Variants in MCTP1 observed in about 807,000 individuals in gnomAD.
The protein encoded by MCTP1 is multiple C2 and transmembrane domain containing 1.
Under a neutral mutation model 120.6 loss-of-function variants are expected in MCTP1, and 69 were observed. The ratio of observed to expected loss-of-function variants is 0.57; its 90% CI spans 0.47 to 0.70. MCTP1 has a LOEUF of 0.70. Among genes scored for constraint, MCTP1 ranks in the 30% least tolerant of loss-of-function variants. MCTP1 has a pLI of 0.00. For missense variants in MCTP1, 1,203 were observed against 1,248.8 expected (o/e 0.96, Z 0.55); for synonymous variants, 529 against 493.1 (o/e 1.07, Z -0.96).
intron 10 of MCTP1, among the ~76,000 whole-genome samples, chr5:94,899,629 G>A (rs757831806): frequency 1.6e-4 from 24 of 152,202 alleles, no homozygotes; most frequent in Non-Finnish European, 3.2e-4. Flanking sequence ...TCTCCTTGTA[G>A]GGTGAACTGT....
At chr5:95,015,276 G>C (rs554246300) in intron 2 of MCTP1, among the ~76,000 whole-genome samples, 1 of 151,948 alleles carries the variant, frequency 6.6e-6, no homozygotes, top group Admixed American at 6.6e-5. Context: ...CTTTTTCATA[G>C]CTACTTCGGT....
At chr5:95,208,350 CAAAG>C (rs1751915319) in intron 1 of MCTP1, among the ~76,000 whole-genome samples, 1 of 152,132 alleles carries the variant, frequency 6.6e-6, no homozygotes, top group African/African-American at 2.4e-5. Context: ...CTCAGCCACC[CAAAG>C]AGCTGGGATT....
At chr5:95,066,047 C>G (rs1365419104) in intron 1 of MCTP1, among the ~76,000 whole-genome samples, 1 of 152,064 alleles carries the variant, frequency 6.6e-6, no homozygotes, top group Non-Finnish European at 1.5e-5. Flanking sequence ...CACAACAATG[C>G]AAACATCAAC....
intron 1 of MCTP1, among the ~76,000 whole-genome samples, chr5:95,027,294 C>A (rs1366977070): frequency 6.6e-6 from 1 of 152,176 alleles, no homozygotes; most frequent in African/African-American, 2.4e-5. Context: ...AAATGTAAAT[C>A]CCTTGCCCCT....
chr5:94,752,185 G>A (rs956127455), intron 19 of MCTP1, among the ~76,000 whole-genome samples: 3 of 136,734 alleles, frequency 2.2e-5, no homozygotes, highest in Admixed American at 8.1e-5. Context: ...TATCTCACCC[G>A]GCTGAAACAG....
intron 3 of MCTP1, among the ~76,000 whole-genome samples, chr5:94,951,145 A>G (rs1820458177): frequency 6.6e-6 from 1 of 152,082 alleles, no homozygotes; most frequent in Non-Finnish European, 1.5e-5. Flanking sequence ...TCCAGTGTTT[A>G]TCATTCCACT....
intron 1 of MCTP1, among the ~76,000 whole-genome samples, chr5:95,205,173 C>T (rs1751484636): frequency 6.6e-6 from 1 of 152,036 alleles, no homozygotes; most frequent in Non-Finnish European, 1.5e-5. Flanking sequence ...ACTGAGAGTC[C>T]ATGAGTAAAG....
chr5:95,153,625 G>T (rs573543273), intron 1 of MCTP1, among the ~76,000 whole-genome samples: 3 of 152,328 alleles, frequency 2.0e-5, no homozygotes, highest in African/African-American at 7.2e-5. Context: ...AGACATTAAA[G>T]TTTGCATAGA....
intron 1 of MCTP1, among the ~76,000 whole-genome samples, chr5:95,205,528 T>C (rs1229374412): frequency 2.6e-5 from 4 of 152,100 alleles, no homozygotes; most frequent in Admixed American, 2.6e-4. Context: ...TTTCAAAGGA[T>C]ACCAACAAGA....
intron 19 of MCTP1, among the ~76,000 whole-genome samples, chr5:94,719,531 G>A (rs1214403032): frequency 6.6e-6 from 1 of 152,196 alleles, no homozygotes; most frequent in Non-Finnish European, 1.5e-5. Flanking sequence ...CATGGATGGA[G>A]CTGGAAGCCA....
intron 1 of MCTP1, among the ~76,000 whole-genome samples, chr5:95,281,481 G>A (rs1045922956): frequency 6.6e-6 from 1 of 152,164 alleles, no homozygotes; most frequent in Non-Finnish European, 1.5e-5. Flanking sequence ...TCATTACAGA[G>A]AAATCTCTCC....
intron 1 of MCTP1, among the ~76,000 whole-genome samples, chr5:95,127,561 G>A (rs987487499): frequency 3.3e-5 from 5 of 152,098 alleles, no homozygotes; most frequent in Admixed American, 2.0e-4. Flanking sequence ...GTACTTCAAC[G>A]TTCTAACAAC....
intron 1 of MCTP1, among the ~76,000 whole-genome samples, chr5:95,222,135 G>A (rs1285902979): frequency 6.6e-6 from 1 of 152,180 alleles, no homozygotes; most frequent in Non-Finnish European, 1.5e-5. Flanking sequence ...CATGAGGTCA[G>A]GCACCCAGGT....
intron 19 of MCTP1, among the ~76,000 whole-genome samples, chr5:94,744,398 C>T (rs1277223326): frequency 6.6e-6 from 1 of 152,216 alleles, no homozygotes; most frequent in Admixed American, 6.5e-5. Context: ...GCATGGATAA[C>T]GGACTAATTA....
At chr5:94,796,974 G>A (rs1021546358) in intron 18 of MCTP1, among the ~76,000 whole-genome samples, 30 of 152,132 alleles carry the variant, frequency 2.0e-4, no homozygotes, top group African/African-American at 6.7e-4. Flanking sequence ...ACAGTGGGTT[G>A]TGCTGGGGAA....
In MCTP1 at chr5:95,217,916, C is replaced by A. The variant is rs142765766; in HGVS notation, c.720+65940G>T. Among the ~76,000 whole-genome samples, 1,111 of 152,148 alleles carry A rather than the reference C, an allele frequency of 7.3e-3. 12 individuals carry two copies. Among genetic ancestry groups the A allele is most frequent in the South Asian group, 0.03 (145 of 4,808 alleles). ...AAGAAAGAATAATCATGATCCTGGA[C>A]CTCTTATTATTAGATATACCCCCCT... On this transcript the variant is annotated intron_variant, in intron 1 of 22. Coordinates refer to ENST00000515393, the MANE Select transcript of MCTP1 (RefSeq NM_024717.7).
intron 1 of MCTP1, among the ~76,000 whole-genome samples, chr5:95,246,003 A>AG (rs1756734021): frequency 6.8e-6 from 1 of 147,842 alleles, no homozygotes; most frequent in Admixed American, 6.7e-5. Flanking sequence ...CCTACAAGCC[A>AG]GAAGAGTGGG....
intron 15 of MCTP1, 74 bp from the exon 16 acceptor site, chr5:94,870,565 T>C: frequency 1.8e-6 from 2 of 1,112,376 alleles, no homozygotes; most frequent in South Asian, 2.6e-5. Context: ...GCAGTTCAAT[T>C]TGCAATAATT....
chr5:95,230,247 T>C (rs1339971250), intron 1 of MCTP1, among the ~76,000 whole-genome samples: 5 of 138,314 alleles, frequency 3.6e-5, no homozygotes, highest in South Asian at 2.3e-4. Flanking sequence ...TGTATATATA[T>C]ACACACACGC....
Sources: allele counts gnomAD v4.1 joint callset (sites outside exome capture counted in the v4.1 genomes callset), GRCh38; gene constraint gnomAD v4.1.1; transcripts MANE v1.5; gene names NCBI Gene and HGNC (gene_info 2026-07-23, HGNC 2026-07-21).